Variants in SDC2 observed in about 807,000 individuals in gnomAD.
The protein encoded by SDC2 is syndecan-2.
SDC2 carries 13 observed loss-of-function variants against 22.2 expected under a neutral mutation model. That is an observed-to-expected ratio of 0.59 (90% CI 0.38 to 0.93). The LOEUF (loss-of-function observed/expected upper bound fraction) is 0.93, where lower values mean the gene tolerates loss of function less well. Ranked by LOEUF, SDC2 falls within the 40% of genes least tolerant of loss-of-function variation. The pLI is 0.00. For synonymous variants in SDC2, 94 were observed against 92.8 expected (o/e 1.01, Z -0.07); for missense variants, 235 against 246.8 (o/e 0.95, Z 0.32).
intron 1 of SDC2, among the ~76,000 whole-genome samples, chr8:96,570,012 T>C (rs909533476): frequency 2.0e-5 from 3 of 152,214 alleles, no homozygotes; most frequent in African/African-American, 7.2e-5. Context: ...AATATATTCG[T>C]GTGATTTGTT....
chr8:96,566,422 G>A (rs1814299672), intron 1 of SDC2, among the ~76,000 whole-genome samples: 1 of 152,144 alleles, frequency 6.6e-6, no homozygotes, highest in Non-Finnish European at 1.5e-5. Flanking sequence ...TAATTCATTT[G>A]AATTCATTAG....
chr8:96,499,439 A>C (rs892949535), intron 1 of SDC2, among the ~76,000 whole-genome samples: 43 of 152,232 alleles, frequency 2.8e-4, no homozygotes, highest in African/African-American at 9.6e-4. Context: ...TCGCTGGTCT[A>C]GATCACAGCA....
chr8:96,608,418 G>A lies in SDC2; in HGVS notation c.390G>A (p.Val130=). Residue 130 remains valine, a synonymous_variant, in exon 4 of 5, where the codon GTG becomes GTA. Transcript: ENST00000302190. ...ACCCAGCCGAAGAGGATACAAATGT[G>A]TATACTGAGAAACACTCAGACAGTC... The part of the protein sequence containing the change: ...KMDPAEEDTN[V]YTEKHSDSLF... The A allele has an allele frequency of 6.2e-7, 1 of 1,613,936 alleles. No individual in the cohort carries two copies. Among genetic ancestry groups the A allele is most frequent in the Non-Finnish European group, 8.5e-7 (1 of 1,179,884 alleles).
At chr8:96,535,121 T>A (rs374050155) in intron 1 of SDC2, among the ~76,000 whole-genome samples, 1 of 152,098 alleles carries the variant, frequency 6.6e-6, no homozygotes, top group South Asian at 2.1e-4. Context: ...GCAATTCTCC[T>A]GCGTCAGCCT....
intron 1 of SDC2, among the ~76,000 whole-genome samples, chr8:96,567,917 T>G (rs1249678542): frequency 5.3e-5 from 8 of 152,200 alleles, no homozygotes; most frequent in Admixed American, 5.2e-4. Flanking sequence ...GGCTTTATCC[T>G]CACTTTTTGG....
At chr8:96,563,053 C>A (rs1814237454) in intron 1 of SDC2, among the ~76,000 whole-genome samples, 1 of 152,152 alleles carries the variant, frequency 6.6e-6, no homozygotes, top group Non-Finnish European at 1.5e-5. Flanking sequence ...TCCATTGTTA[C>A]AGCTACCTGA....
intron 1 of SDC2, among the ~76,000 whole-genome samples, chr8:96,521,540 A>G (rs1813497385): frequency 1.3e-5 from 2 of 152,204 alleles, no homozygotes; most frequent in African/African-American, 4.8e-5. Flanking sequence ...GTGGGCTCGC[A>G]TTATCTGTGT....
At chr8:96,507,305 G>A (rs1175939177) in intron 1 of SDC2, among the ~76,000 whole-genome samples, 1 of 152,172 alleles carries the variant, frequency 6.6e-6, no homozygotes, top group Non-Finnish European at 1.5e-5. Flanking sequence ...CCACATTAAT[G>A]ATTAGCACCT....
rs139353899 is a variant in SDC2, at chr8:96,590,267, C to G, written c.61-3213C>G. 2.6e-3 allele frequency among the ~76,000 whole-genome samples: 395 copies of G among 152,328 alleles called. 2 individuals carry two copies. Among genetic ancestry groups the G allele is most frequent in the African/African-American group, 8.9e-3 (369 of 41,580 alleles). ...ATTGGCACTGCCTCACAGCGATGGTCAGTCCCAAATTAAACAGCCTCGTTA... is the reference window on the plus strand; with the variant it reads ...ATTGGCACTGCCTCACAGCGATGGTGAGTCCCAAATTAAACAGCCTCGTTA... On this transcript the variant is annotated intron_variant, in intron 1 of 4. Transcript: ENST00000302190.
intron 1 of SDC2, among the ~76,000 whole-genome samples, chr8:96,494,984 G>A (rs143090009): frequency 3.9e-4 from 60 of 152,342 alleles, no homozygotes; most frequent in African/African-American, 1.4e-3. Context: ...CACGGAACGC[G>A]TCCGAAAATG....
At chr8:96,571,363 G>A (rs1261587975) in intron 1 of SDC2, among the ~76,000 whole-genome samples, 4 of 152,176 alleles carry the variant, frequency 2.6e-5, no homozygotes, top group Non-Finnish European at 5.9e-5. Context: ...AGGGAGGTGG[G>A]ATGAAGTTAG....
At chr8:96,547,735 ATT>A (rs201612267) in intron 1 of SDC2, among the ~76,000 whole-genome samples, 33 of 145,272 alleles carry the variant, frequency 2.3e-4, no homozygotes, top group African/African-American at 8.5e-4. Flanking sequence ...TCCTTGTTTG[ATT>A]TTTTTTTTTT....
chr8:96,608,230 C>T, intron 3 of SDC2, 105 bp from the exon 4 acceptor site: 1 of 1,002,692 alleles, frequency 1.0e-6, no homozygotes, highest in South Asian at 1.7e-5. Flanking sequence ...TTCCTAAACT[C>T]ATTCTTTGGG....
Position 96,602,747 on chromosome 8 carries a change from G to T in SDC2, c.306+219G>T, listed in dbSNP as rs895632033. 7.2e-5 allele frequency among the ~76,000 whole-genome samples: 11 copies of T among 152,134 alleles called. 1 individual carries two copies. Among genetic ancestry groups the T allele is most frequent in the Non-Finnish European group, 1.6e-4 (11 of 68,024 alleles). Reference sequence around the variant, plus strand: ...TAAATGGCTCTTCCTTACTCTTTTTGATCATTTTGGCATTTACCCACTTAT... The same window carrying T: ...TAAATGGCTCTTCCTTACTCTTTTTTATCATTTTGGCATTTACCCACTTAT... On this transcript the variant is annotated intron_variant, in intron 3 of 4. Transcript: ENST00000302190.
At chr8:96,597,752 A>G (rs1814904008) in intron 2 of SDC2, among the ~76,000 whole-genome samples, 1 of 152,220 alleles carries the variant, frequency 6.6e-6, no homozygotes, top group South Asian at 2.1e-4. Context: ...AGGTGAGAAG[A>G]CACAGAGGAT....
rs571583682 is a variant in SDC2, at chr8:96,527,190, G to GA, written c.60+32860dup. On this transcript the variant is annotated intron_variant, in intron 1 of 4. Transcript: ENST00000302190. The stretch of plus-strand genomic sequence containing the variant: ...TCTGCCTATTGACGTGGTGGGAAGA[G>GA]AGACCGTGCTTAGGGACAGGTTTGG... Among the ~76,000 whole-genome samples, 26 of 152,270 alleles carry GA rather than the reference G, an allele frequency of 1.7e-4. No homozygotes were observed. The East Asian group carries it at 4.4e-3, about 26-fold the overall frequency.
intron 1 of SDC2, 36 bp from the exon 2 acceptor site, chr8:96,593,444 C>G (rs1563674446): frequency 1.4e-6 from 2 of 1,422,852 alleles, no homozygotes; most frequent in Admixed American, 1.7e-5. Context: ...TTCTTAATCT[C>G]TCAACATCCT....
chr8:96,571,189 A>G (rs1455408458), intron 1 of SDC2, among the ~76,000 whole-genome samples: 1 of 152,198 alleles, frequency 6.6e-6, no homozygotes, highest in Non-Finnish European at 1.5e-5. Flanking sequence ...TGTGCTGGGT[A>G]GAGAGTAATG....
At chr8:96,553,062 A>G (rs1814052374) in intron 1 of SDC2, among the ~76,000 whole-genome samples, 1 of 152,240 alleles carries the variant, frequency 6.6e-6, no homozygotes, top group Admixed American at 6.5e-5. Context: ...TAAAAATAAC[A>G]CAGAAATCTG....
Sources: gnomAD v4.1 joint callset for allele counts (sites outside exome capture counted in the v4.1 genomes callset) on GRCh38, gnomAD v4.1.1 for gene constraint, MANE v1.5 for transcripts, NCBI Gene and HGNC (gene_info 2026-07-23, HGNC 2026-07-21) for gene names.